The following CNTNAP4 variants were observed in gnomAD, a reference collection of about 807,000 sequenced individuals.
CNTNAP4 encodes contactin-associated protein-like 4.
In CNTNAP4, 98 loss-of-function variants were observed where a neutral mutation model predicts 148.4. The ratio of observed to expected loss-of-function variants is 0.66; its 90% CI spans 0.56 to 0.78. CNTNAP4 has a LOEUF of 0.78. Ranked by LOEUF, CNTNAP4 falls within the 30% of genes least tolerant of loss-of-function variation. The probability of loss-of-function intolerance (pLI) is 0.00; values close to 1 mark genes in which losing one functional copy is unlikely to be tolerated. For missense variants in CNTNAP4, 1,935 were observed against 1,565.6 expected, an observed-to-expected ratio of 1.24 and a Z score of -3.98; for synonymous variants, 730 against 565.1, an observed-to-expected ratio of 1.29 and a Z score of -4.14.
chr16:76,392,964 G>A (rs934396526), intron 3 of CNTNAP4, among the ~76,000 whole-genome samples: 27 of 152,224 alleles, frequency 1.8e-4, no homozygotes, highest in African/African-American at 6.3e-4. Context: ...TGCCTCACCT[G>A]AGAGGTAGGT....
chr16:76,346,654 C>T (rs897051459), intron 2 of CNTNAP4, among the ~76,000 whole-genome samples: 2 of 152,000 alleles, frequency 1.3e-5, no homozygotes, highest in African/African-American at 2.4e-5. Context: ...ACGTTATGTG[C>T]TAAAAATCAT....
chr16:76,537,329 C>A (rs1369856436), intron 18 of CNTNAP4, among the ~76,000 whole-genome samples: 1 of 152,174 alleles, frequency 6.6e-6, no homozygotes, highest in African/African-American at 2.4e-5. Context: ...TAAGTATCAT[C>A]TACAACTTGT....
chr16:76,519,427 T>C (rs2083375998), intron 15 of CNTNAP4, among the ~76,000 whole-genome samples: 1 of 152,184 alleles, frequency 6.6e-6, no homozygotes, highest in African/African-American at 2.4e-5. Context: ...ATAAATGTTA[T>C]GTCATAATAT....
intron 21 of CNTNAP4, among the ~76,000 whole-genome samples, chr16:76,549,984 G>C (rs925959458): frequency 2.0e-5 from 3 of 152,158 alleles, no homozygotes; most frequent in Non-Finnish European, 2.9e-5. Context: ...GCAGAATACT[G>C]AGATAAGATA....
intron 15 of CNTNAP4, among the ~76,000 whole-genome samples, chr16:76,511,838 G>GGAGAGA (rs61708542): frequency 0.6 from 89,200 of 148,038 alleles, 27,178 homozygotes; most frequent in Non-Finnish European, 0.67. Flanking sequence ...ATATTTTCTT[G>GGAGAGA]GAGAGAGAGA....
At chr16:76,501,688 C>T (rs1324415560) in intron 15 of CNTNAP4, among the ~76,000 whole-genome samples, 1 of 152,078 alleles carries the variant, frequency 6.6e-6, no homozygotes, top group African/African-American at 2.4e-5. Flanking sequence ...AATTATCTGG[C>T]CCCAAATGTC....
At chr16:76,485,770 A>G (rs923103003) in intron 12 of CNTNAP4, among the ~76,000 whole-genome samples, 1 of 152,216 alleles carries the variant, frequency 6.6e-6, no homozygotes, top group Admixed American at 6.5e-5. Context: ...TTTTTACTTT[A>G]GAGATTTCAA....
At chr16:76,550,990 T>C (rs1356880022) in intron 21 of CNTNAP4, among the ~76,000 whole-genome samples, 1 of 152,228 alleles carries the variant, frequency 6.6e-6, no homozygotes, top group East Asian at 1.9e-4. Flanking sequence ...AGTGATATAA[T>C]CGCTCTGATT....
intron 3 of CNTNAP4, among the ~76,000 whole-genome samples, chr16:76,409,247 G>A (rs561991851): frequency 1.3e-4 from 20 of 151,878 alleles, no homozygotes; most frequent in South Asian, 4.2e-4. Context: ...GCAGCAAGGC[G>A]TTTTATCTGG....
At chr16:76,554,276 G>A (rs941915508) in intron 23 of CNTNAP4, among the ~76,000 whole-genome samples, 11 of 152,108 alleles carry the variant, frequency 7.2e-5, no homozygotes, top group Non-Finnish European at 1.0e-4. Context: ...ACATATCACT[G>A]CTTCTGGAAA....
intron 8 of CNTNAP4, among the ~76,000 whole-genome samples, chr16:76,459,230 C>T (rs1001739093): frequency 6.6e-6 from 1 of 152,158 alleles, no homozygotes; most frequent in Non-Finnish European, 1.5e-5. Flanking sequence ...TGAAATCTAT[C>T]TTAAAGGAAG....
At chr16:76,327,962 C>T (rs375713285) in intron 2 of CNTNAP4, among the ~76,000 whole-genome samples, 79 of 152,318 alleles carry the variant, frequency 5.2e-4, no homozygotes, top group African/African-American at 1.6e-3. Context: ...TGTGGGGTCA[C>T]TTCTTCAATG....
intron 12 of CNTNAP4, among the ~76,000 whole-genome samples, chr16:76,488,816 C>G (rs952736060): frequency 6.6e-6 from 1 of 152,160 alleles, no homozygotes; most frequent in Non-Finnish European, 1.5e-5. Flanking sequence ...TATCACATGC[C>G]TATCATCTGT....
chr16:76,385,417 T>G (rs3851755), intron 3 of CNTNAP4, among the ~76,000 whole-genome samples: 3 of 151,956 alleles, frequency 2.0e-5, no homozygotes, highest in African/African-American at 7.3e-5. Flanking sequence ...AATTCAAACC[T>G]GAAAAATACA....
At chr16:76,284,516 T>C (rs1247748906) in intron 1 of CNTNAP4, among the ~76,000 whole-genome samples, 1 of 151,906 alleles carries the variant, frequency 6.6e-6, no homozygotes, top group Non-Finnish European at 1.5e-5. Flanking sequence ...ACCCAGAAGA[T>C]TAACATTGGA....
At chr16:76,361,404 T>A (rs1385259037) in intron 3 of CNTNAP4, among the ~76,000 whole-genome samples, 1 of 152,236 alleles carries the variant, frequency 6.6e-6, no homozygotes, top group Non-Finnish European at 1.5e-5. Flanking sequence ...CATGCATTAT[T>A]TGTTCTTCTG....
chr16:76,491,939 G>C (rs1260161623), intron 13 of CNTNAP4, among the ~76,000 whole-genome samples: 1 of 152,098 alleles, frequency 6.6e-6, no homozygotes, highest in Non-Finnish European at 1.5e-5. Flanking sequence ...TGTGAATAAA[G>C]CTGCAATGAA....
Position 76,492,631 on chromosome 16 carries a change from A to T in CNTNAP4, c.2081-2279A>T, listed in dbSNP as rs531367588. Among the ~76,000 whole-genome samples the T allele has an allele frequency of 2.0e-5, 3 of 152,278 alleles. No individual in the cohort carries two copies. In the South Asian group the frequency reaches 6.2e-4, roughly 32 times the overall value. On this transcript the variant is annotated intron_variant, in intron 13 of 23. Coordinates refer to ENST00000611870, the MANE Select transcript of CNTNAP4 (RefSeq NM_033401.5). Reference sequence around the variant, plus strand: ...GGGGCCAGATGGAGATAATTGAATCATGGGGGCAGTTTCCTCCATACTGTT... The same window carrying T: ...GGGGCCAGATGGAGATAATTGAATCTTGGGGGCAGTTTCCTCCATACTGTT...
intron 1 of CNTNAP4, among the ~76,000 whole-genome samples, chr16:76,299,100 T>C (rs550511911): frequency 2.6e-5 from 4 of 152,308 alleles, no homozygotes; most frequent in African/African-American, 4.8e-5. Context: ...AAGGACTTCA[T>C]GTCTAAAACA....
Sources: allele counts gnomAD v4.1 joint callset (sites outside exome capture counted in the v4.1 genomes callset), GRCh38; gene constraint gnomAD v4.1.1; transcripts MANE v1.5; gene names NCBI Gene and HGNC (gene_info 2026-07-23, HGNC 2026-07-21).